The following POLR2F variants were observed in gnomAD, a reference collection of about 807,000 sequenced individuals.
POLR2F encodes the protein RNA polymerase II, I and III subunit F, also known as DNA-directed RNA polymerases I, II, and III subunit RPABC2.
A neutral mutation model predicts 22.7 loss-of-function variants in POLR2F; 12 were observed. That is an observed-to-expected ratio of 0.53 (90% CI 0.34 to 0.86). The LOEUF (loss-of-function observed/expected upper bound fraction) is 0.86, where lower values mean the gene tolerates loss of function less well. POLR2F is among the 40% of genes least tolerant of loss of function. The pLI, the probability that POLR2F is intolerant of heterozygous loss-of-function variation, is 0.02. For synonymous variants in POLR2F, 57 were observed against 66.0 expected (o/e 0.86, Z 0.66); for missense variants, 126 against 171.5 (o/e 0.73, Z 1.48).
rs2085147736 is a variant in POLR2F, at chr22:38,039,175, G to C, written c.453-1893G>C. ...GGAACCAGCCCCTCCAGAAAGAGCC[G>C]TCTCTGCACCCGCTCCCACCCGTGG... On this transcript the variant is annotated intron_variant, in intron 5 of 5. Coordinates refer to the POLR2F transcript ENST00000407936. Among the ~76,000 whole-genome samples the C allele has an allele frequency of 4.6e-5, 7 of 152,210 alleles. No homozygotes were observed. In the South Asian group the frequency reaches 1.4e-3, roughly 31 times the overall value.
chr22:38,033,223 G>A (rs2085082978), intron 5 of POLR2F: 1 of 152,004 alleles, frequency 6.6e-6, no homozygotes, highest in Admixed American at 6.6e-5. Flanking sequence ...TTGAGATTTT[G>A]CACAGAGCTG....
intron 1 of POLR2F, among the ~76,000 whole-genome samples, chr22:38,005,195 G>C (rs2084809856): frequency 6.6e-6 from 1 of 152,238 alleles, no homozygotes; most frequent in Non-Finnish European, 1.5e-5. Context: ...CACTCAGGAA[G>C]TGGTAGGGGT....
chr22:38,002,746 G>A (rs2084784165), intron 1 of POLR2F, among the ~76,000 whole-genome samples: 1 of 151,472 alleles, frequency 6.6e-6, no homozygotes, highest in African/African-American at 2.4e-5. Context: ...TTTTTTTTGA[G>A]ACGGAGTCTT....
downstream of POLR2F, among the ~76,000 whole-genome samples, chr22:38,026,903 C>T (rs1171694770): frequency 6.6e-6 from 1 of 152,038 alleles, no homozygotes; most frequent in Non-Finnish European, 1.5e-5. Context: ...TGAGGCTCCT[C>T]TGGCCCTGCC....
At chr22:37,957,832 T>C (rs1931461437) in intron 2 of POLR2F, among the ~76,000 whole-genome samples, 2 of 152,226 alleles carry the variant, frequency 1.3e-5, no homozygotes, top group South Asian at 4.1e-4. Context: ...CTCTGCTCTG[T>C]GTGCTCTTCT....
At chr22:37,987,567 G>A in intron 1 of POLR2F, 4 of 341,852 alleles carry the variant, frequency 1.2e-5, no homozygotes, top group Non-Finnish European at 2.3e-5. Context: ...GATACACTGA[G>A]ATGAAGGTCA....
intron 1 of POLR2F, among the ~76,000 whole-genome samples, chr22:38,024,152 A>G (rs529497402): frequency 1.8e-4 from 27 of 152,126 alleles, no homozygotes; most frequent in African/African-American, 5.3e-4. Flanking sequence ...CCCTGTCTCT[A>G]TGATTTTGAC....
chr22:37,956,094 G>T (rs548049622), intron 1 of POLR2F, among the ~76,000 whole-genome samples: 57 of 147,038 alleles, frequency 3.9e-4, no homozygotes, highest in African/African-American at 1.3e-3. Context: ...TTGCGGTGGC[G>T]GGGGGGGGTT....
In POLR2F at chr22:37,986,750, G is replaced by C. The variant is rs772054274; in HGVS notation, c.120+438G>C. ...AGATGACCAGTGCTGTGTGTGTGTG[G>C]TTGGGGCCCCTGCTGCGAACACATC... On this transcript the variant is annotated intron_variant, in intron 1 of 2. Transcript: ENST00000333418. The surrounding 1 kb of genome is among the most constrained non-coding windows in gnomAD (Gnocchi z 4.7). 3.3e-5 allele frequency: 16 copies of C among 477,788 alleles called. No individual in the cohort carries two copies. The highest frequency in any genetic ancestry group is 2.5e-4 in the South Asian group (16 of 64,756). 29.6% of individuals were successfully genotyped at this position (477,788 alleles called of 1,614,324 possible). A position where few individuals can be genotyped will look rare whatever the true frequency, so the allele number is the denominator to read the frequency against.
intron 3 of POLR2F, among the ~76,000 whole-genome samples, chr22:37,964,609 T>C (rs1931783425): frequency 6.7e-6 from 1 of 149,860 alleles, no homozygotes; most frequent in South Asian, 2.1e-4. Context: ...TTTGCTCTTG[T>C]TGCCCAGGCT....
At chr22:37,963,839 C>T (rs888770172) in intron 3 of POLR2F, among the ~76,000 whole-genome samples, 4 of 152,168 alleles carry the variant, frequency 2.6e-5, no homozygotes, top group South Asian at 2.1e-4. Flanking sequence ...CGGTGGCTCA[C>T]GCCTGGAATC....
chr22:38,026,270 C>A (rs2085009398), intron 2 of POLR2F: 2 of 533,128 alleles, frequency 3.8e-6, no homozygotes, highest in African/African-American at 3.8e-5. Flanking sequence ...TCCCTCCTGC[C>A]CAGGGTAGCT....
chr22:37,956,973 G>C (rs1931429721), intron 2 of POLR2F, 131 bp downstream of exon 2: 1 of 755,930 alleles, frequency 1.3e-6, no homozygotes, highest in Non-Finnish European at 2.4e-6. Context: ...CCCAGTTAGA[G>C]TGAGCTGTGT....
At chr22:38,033,122 G>T (rs538862426) in intron 5 of POLR2F, 3 of 162,106 alleles carry the variant, frequency 1.9e-5, no homozygotes, top group Admixed American at 1.3e-4. Flanking sequence ...TCATGATACC[G>T]CACTCCAGCC....
chr22:38,031,032 C>A (rs959344050), downstream of POLR2F, among the ~76,000 whole-genome samples: 1 of 151,926 alleles, frequency 6.6e-6, no homozygotes, highest in Non-Finnish European at 1.5e-5. This position sits in a 1 kb window ranked among gnomAD's most constrained non-coding sequence, Gnocchi z 4.1. Flanking sequence ...TACAGACCAC[C>A]AGCACTTCAG....
chr22:38,001,779 C>T (rs753052017), intron 1 of POLR2F, among the ~76,000 whole-genome samples: 1 of 151,720 alleles, frequency 6.6e-6, no homozygotes. Flanking sequence ...GTGATCTGCC[C>T]GCTTAGGCCT....
chr22:37,977,916 G>A (rs571227999), intron 4 of POLR2F: 3 of 1,613,088 alleles, frequency 1.9e-6, no homozygotes, highest in Non-Finnish European at 2.5e-6. Context: ...CCTCTCCTGG[G>A]TGCCGGTGGT....
intron 1 of POLR2F, among the ~76,000 whole-genome samples, chr22:38,019,760 C>T (rs975849240): frequency 6.6e-6 from 1 of 152,232 alleles, no homozygotes; most frequent in Non-Finnish European, 1.5e-5. Flanking sequence ...CGCCTGTACT[C>T]TCCCAGCACT....
At chr22:37,971,014 G>A (rs1601876301), downstream of POLR2F, 2 of 319,918 alleles carry the variant, frequency 6.3e-6, no homozygotes, top group East Asian at 1.7e-4. Flanking sequence ...CCTAGATGGA[G>A]GGATTTTGGC....
Sources: gnomAD v4.1 joint callset for allele counts (sites outside exome capture counted in the v4.1 genomes callset) on GRCh38, gnomAD v4.1.1 for gene constraint, Gnocchi (gnomAD v3.1) non-coding constraint, MANE v1.5 for transcripts, NCBI Gene and HGNC (gene_info 2026-07-23, HGNC 2026-07-21) for gene names.